Variants in GALNTL6 observed in about 807,000 individuals in gnomAD.
The protein encoded by GALNTL6 is polypeptide N-acetylgalactosaminyltransferase-like 6.
A neutral mutation model predicts 73.7 loss-of-function variants in GALNTL6; 46 were observed. The observed-to-expected ratio is 0.62, with a 90% confidence interval of 0.49 to 0.80. The LOEUF (loss-of-function observed/expected upper bound fraction) is 0.80. Among genes scored for constraint, GALNTL6 ranks in the 30% least tolerant of loss-of-function variants. The pLI is 0.00. For missense variants in GALNTL6, 604 were observed against 755.0 expected, an observed-to-expected ratio of 0.80 and a Z score of 2.34; for synonymous variants, 259 against 263.7, an observed-to-expected ratio of 0.98 and a Z score of 0.17.
At chr4:172,331,854 C>G (rs978859701) in intron 4 of GALNTL6, among the ~76,000 whole-genome samples, 28 of 152,248 alleles carry the variant, frequency 1.8e-4, no homozygotes, top group African/African-American at 6.0e-4. Context: ...ATGCTAATGT[C>G]TCTCCAAGAT....
chr4:172,146,310 A>C (rs1019523031), intron 2 of GALNTL6, among the ~76,000 whole-genome samples: 4 of 152,182 alleles, frequency 2.6e-5, no homozygotes, highest in African/African-American at 9.7e-5. Flanking sequence ...TGACTTTTTC[A>C]ACATAAATAT....
chr4:172,257,909 T>C (rs930007264), intron 3 of GALNTL6, among the ~76,000 whole-genome samples: 2 of 151,286 alleles, frequency 1.3e-5, no homozygotes, highest in Non-Finnish European at 3.0e-5. Flanking sequence ...GGTATCTTCA[T>C]ATAGTTTATG....
At chr4:172,534,851 C>T (rs1196609630) in intron 5 of GALNTL6, among the ~76,000 whole-genome samples, 1 of 152,156 alleles carries the variant, frequency 6.6e-6, no homozygotes, top group African/African-American at 2.4e-5. Context: ...CAGGCGTGAG[C>T]CACCGTGCCT....
chr4:171,997,860 G>A (rs1740538952), intron 2 of GALNTL6, among the ~76,000 whole-genome samples: 2 of 151,960 alleles, frequency 1.3e-5, no homozygotes, highest in Admixed American at 6.6e-5. Flanking sequence ...GGACCTTCAG[G>A]GAGAAAAAGT....
chr4:172,588,258 AT>A (rs1161489179), intron 5 of GALNTL6, among the ~76,000 whole-genome samples: 1 of 152,160 alleles, frequency 6.6e-6, no homozygotes, highest in East Asian at 1.9e-4. Context: ...CAATTATTTT[AT>A]TTTTAAAAAC....
intron 2 of GALNTL6, among the ~76,000 whole-genome samples, chr4:171,920,071 G>A (rs1449473722): frequency 6.6e-6 from 1 of 152,034 alleles, no homozygotes; most frequent in Non-Finnish European, 1.5e-5. Context: ...GGAATACTAT[G>A]CAGCCATAAA....
chr4:172,828,128 C>G (rs1742367641), intron 7 of GALNTL6, among the ~76,000 whole-genome samples: 1 of 151,828 alleles, frequency 6.6e-6, no homozygotes, highest in African/African-American at 2.4e-5. Flanking sequence ...AAAAATTCAC[C>G]AGGCATAGTG....
intron 5 of GALNTL6, among the ~76,000 whole-genome samples, chr4:172,735,382 C>G (rs1037649897): frequency 2.6e-5 from 4 of 152,144 alleles, no homozygotes; most frequent in Non-Finnish European, 4.4e-5. Context: ...GGGCCTGTAA[C>G]CCCTTTGTTT....
At chr4:172,130,523 T>C (rs999822031) in intron 2 of GALNTL6, among the ~76,000 whole-genome samples, 1 of 152,044 alleles carries the variant, frequency 6.6e-6, no homozygotes, top group Admixed American at 6.6e-5. Flanking sequence ...TGTTTCTAAT[T>C]GTAAAATATT....
intron 12 of GALNTL6, among the ~76,000 whole-genome samples, chr4:173,029,879 T>C (rs1386667640): frequency 6.6e-6 from 1 of 152,222 alleles, no homozygotes; most frequent in African/African-American, 2.4e-5. Context: ...ACAGATTGGA[T>C]CAGCATCCAT....
intron 8 of GALNTL6, among the ~76,000 whole-genome samples, chr4:172,891,278 A>G (rs1004288499): frequency 2.6e-5 from 4 of 152,008 alleles, no homozygotes; most frequent in African/African-American, 9.7e-5. Context: ...ACATACTTGC[A>G]TATGTTTTTG....
chr4:171,919,335 C>T (rs1737715764), intron 2 of GALNTL6, among the ~76,000 whole-genome samples: 2 of 151,970 alleles, frequency 1.3e-5, no homozygotes, highest in African/African-American at 2.4e-5. Flanking sequence ...ATTTTAGTTC[C>T]TTCAGAGATT....
intron 5 of GALNTL6, among the ~76,000 whole-genome samples, chr4:172,471,200 T>A (rs1323133302): frequency 6.6e-6 from 1 of 152,188 alleles, no homozygotes; most frequent in African/African-American, 2.4e-5. Flanking sequence ...TCAATGTTCC[T>A]GCATGCAGGT....
At chr4:172,156,540 AATATAT>A (rs5864120) in intron 2 of GALNTL6, among the ~76,000 whole-genome samples, 8,283 of 125,092 alleles carry the variant, frequency 0.066, 403 homozygotes, top group South Asian at 0.12. Context: ...ATATATATAT[AATATAT>A]ATATATATAT....
At chr4:171,902,511 A>G (rs1037776109) in intron 2 of GALNTL6, among the ~76,000 whole-genome samples, 1 of 152,206 alleles carries the variant, frequency 6.6e-6, no homozygotes, top group Admixed American at 6.5e-5. Flanking sequence ...GAGAATCAAC[A>G]ATTGATGTTT....
At chr4:172,408,747 G>C (rs967587748) in intron 5 of GALNTL6, among the ~76,000 whole-genome samples, 2 of 151,980 alleles carry the variant, frequency 1.3e-5, no homozygotes, top group Non-Finnish European at 2.9e-5. Context: ...GAAACTGTGG[G>C]TGGAAGGACA....
intron 7 of GALNTL6, among the ~76,000 whole-genome samples, chr4:172,838,042 A>G (rs1237180158): frequency 1.3e-5 from 2 of 152,092 alleles, no homozygotes; most frequent in Non-Finnish European, 2.9e-5. Context: ...CCTCCAAAAC[A>G]GGAACTTAAT....
At chr4:172,622,658 T>G (rs1354940637) in intron 5 of GALNTL6, among the ~76,000 whole-genome samples, 2 of 152,022 alleles carry the variant, frequency 1.3e-5, no homozygotes, top group Non-Finnish European at 2.9e-5. Flanking sequence ...AAAAAAGGAA[T>G]GCATGAGAGG....
intron 5 of GALNTL6, among the ~76,000 whole-genome samples, chr4:172,634,421 C>T (rs1330789714): frequency 6.6e-6 from 1 of 151,714 alleles, no homozygotes; most frequent in Non-Finnish European, 1.5e-5. Flanking sequence ...TTGCACTGTC[C>T]CCCGTGGCAA....
Sources: allele counts gnomAD v4.1 joint callset (sites outside exome capture counted in the v4.1 genomes callset), GRCh38; gene constraint gnomAD v4.1.1; transcripts MANE v1.5; gene names NCBI Gene and HGNC (gene_info 2026-07-23, HGNC 2026-07-21).